FAM167A: variants seen among roughly 807,000 people sequenced by gnomAD.
FAM167A encodes family with sequence similarity 167 member A, also known as protein FAM167A.
Under a neutral mutation model 14.9 loss-of-function variants are expected in FAM167A, and 23 were observed. That is an observed-to-expected ratio of 1.55 (90% CI 1.11 to 2.19). FAM167A has a LOEUF of 2.19. FAM167A is among the 30% of genes most tolerant of loss of function. The pLI is 0.00. For synonymous variants in FAM167A, 174 were observed against 117.7 expected (o/e 1.48, Z -3.10); for missense variants, 401 against 281.5 (o/e 1.42, Z -3.04).
chr8:11,432,940 C>A (rs984751749), intron 2 of FAM167A, among the ~76,000 whole-genome samples: 1 of 152,176 alleles, frequency 6.6e-6, no homozygotes, highest in Non-Finnish European at 1.5e-5. Flanking sequence ...TGGAAACCAT[C>A]ATTCTCAGCA....
At chr8:11,426,913 G>A (rs961046054) in intron 2 of FAM167A, among the ~76,000 whole-genome samples, 3 of 152,204 alleles carry the variant, frequency 2.0e-5, no homozygotes, top group Non-Finnish European at 4.4e-5. Context: ...CAGGCGAGCA[G>A]AGGGATGACT....
intron 1 of FAM167A, among the ~76,000 whole-genome samples, chr8:11,452,438 G>T (rs1164594313): frequency 1.3e-5 from 2 of 152,178 alleles, no homozygotes; most frequent in East Asian, 3.9e-4. Flanking sequence ...TTTTGGGAGT[G>T]GTGCCTCTGG....
intron 1 of FAM167A, chr8:11,445,035 C>T (rs149033699): frequency 1.6e-4 from 127 of 816,578 alleles, no homozygotes; most frequent in African/African-American, 1.5e-3. Flanking sequence ...TATATAAAAA[C>T]GACTCCGCCT....
At chr8:11,461,070 C>G (rs193032969) in intron 1 of FAM167A, among the ~76,000 whole-genome samples, 2 of 152,324 alleles carry the variant, frequency 1.3e-5, no homozygotes, top group African/African-American at 2.4e-5. Context: ...AATACTGCTT[C>G]CCTGTTGGTC....
chr8:11,458,270 C>T (rs761803288), intron 1 of FAM167A, among the ~76,000 whole-genome samples: 23 of 152,192 alleles, frequency 1.5e-4, no homozygotes, highest in Non-Finnish European at 2.6e-4. Context: ...GCACCTCACT[C>T]GACAGTCTTT....
At chr8:11,436,483 C>A (rs1806023408) in intron 2 of FAM167A, among the ~76,000 whole-genome samples, 1 of 152,174 alleles carries the variant, frequency 6.6e-6, no homozygotes, top group African/African-American at 2.4e-5. Flanking sequence ...GTGAGCTCGG[C>A]CATGCTGCTG....
chr8:11,442,845 G>C (rs1158197534), intron 2 of FAM167A, among the ~76,000 whole-genome samples: 2 of 152,144 alleles, frequency 1.3e-5, no homozygotes, highest in African/African-American at 4.8e-5. Flanking sequence ...AAGCACTCTC[G>C]GTATCAAGTG....
At chr8:11,458,378 G>A (rs1807413102) in intron 1 of FAM167A, among the ~76,000 whole-genome samples, 1 of 152,108 alleles carries the variant, frequency 6.6e-6, no homozygotes, top group African/African-American at 2.4e-5. Flanking sequence ...CTGCTGGATG[G>A]TTTTACTGAG....
chr8:11,427,653 CT>C (rs548378113), intron 2 of FAM167A, among the ~76,000 whole-genome samples: 2 of 152,040 alleles, frequency 1.3e-5, no homozygotes, highest in Non-Finnish European at 2.9e-5. Flanking sequence ...TCTCAATGTT[CT>C]TTTTTTCCTC....
intron 2 of FAM167A, chr8:11,437,951 A>T (rs2117054153): frequency 3.4e-6 from 1 of 291,132 alleles, no homozygotes; most frequent in East Asian, 1.0e-4. Flanking sequence ...AGCTCACCAG[A>T]TCATCTCAGA....
chr8:11,457,026 GGGTATGGGCGGGGCTGGGTTAA>G, intron 1 of FAM167A, among the ~76,000 whole-genome samples: 1 of 122,394 alleles, frequency 8.2e-6, no homozygotes, highest in African/African-American at 3.2e-5. Flanking sequence ...GCTGGGTTAG[GGGTATGGGCGGGGCTGGGTTAA>G]GGAAGTGGGT....
At chr8:11,436,511 C>T (rs1408151834) in intron 2 of FAM167A, among the ~76,000 whole-genome samples, 3 of 152,184 alleles carry the variant, frequency 2.0e-5, no homozygotes, top group African/African-American at 4.8e-5. Context: ...CTGGGCCAGT[C>T]GGCGGAGGGA....
upstream of FAM167A, among the ~76,000 whole-genome samples, chr8:11,469,020 A>G (rs1219527183): frequency 1.3e-5 from 2 of 152,232 alleles, no homozygotes; most frequent in Admixed American, 6.5e-5. Context: ...GGAGTGGTCA[A>G]ATAAATGAGT....
intron 1 of FAM167A, among the ~76,000 whole-genome samples, chr8:11,465,275 G>T (rs1429830301): frequency 6.6e-6 from 1 of 152,166 alleles, no homozygotes; most frequent in African/African-American, 2.4e-5. Flanking sequence ...CTGGGCCTTA[G>T]ATGCCTCAGA....
rs564594491 is a variant in FAM167A at position 11,424,646 on chromosome 8, A to AG, written c.382-11dup. On this transcript the variant is annotated splice_polypyrimidine_tract_variant and intron_variant, in intron 2 of 2. Transcript: ENST00000284486. ...GCAGCCGCATCTCCGTCTGGAAGGG[A>AG]GGGGGAGCAGGCAGGGTCAGCAGAG... The AG allele has an allele frequency of 3.1e-6, 5 of 1,612,456 alleles. No homozygotes were observed. The highest frequency in any genetic ancestry group is 4.2e-6 in the Non-Finnish European group (5 of 1,179,450).
chr8:11,464,870 G>C (rs73533689), intron 1 of FAM167A, among the ~76,000 whole-genome samples: 5,666 of 152,278 alleles, frequency 0.037, 341 homozygotes, highest in African/African-American at 0.13. Flanking sequence ...TCAGCAAATA[G>C]TTAGGCATGG....
At chr8:11,466,272 G>A (rs374456277) in intron 1 of FAM167A, among the ~76,000 whole-genome samples, 13 of 152,338 alleles carry the variant, frequency 8.5e-5, no homozygotes, top group Admixed American at 5.2e-4. Flanking sequence ...GTCACCAGCC[G>A]CCTGGGAGTG....
At chr8:11,474,290 G>C (rs1797799951) in intron 1 of FAM167A, among the ~76,000 whole-genome samples, 1 of 152,226 alleles carries the variant, frequency 6.6e-6, no homozygotes, top group South Asian at 2.1e-4. Context: ...TATTCAACAA[G>C]CAAACTGGCA....
chr8:11,430,096 T>C (rs900665010), intron 2 of FAM167A, among the ~76,000 whole-genome samples: 7 of 152,198 alleles, frequency 4.6e-5, no homozygotes, highest in African/African-American at 1.4e-4. Flanking sequence ...TCATGCTGTC[T>C]CTGGCAAAGG....
Sources: allele counts gnomAD v4.1 joint callset (sites outside exome capture counted in the v4.1 genomes callset), GRCh38; gene constraint gnomAD v4.1.1; transcripts MANE v1.5; gene names NCBI Gene and HGNC (gene_info 2026-07-23, HGNC 2026-07-21).